NREP: variants seen among roughly 807,000 people sequenced by gnomAD.
NREP encodes the protein neuronal regeneration-related protein.
Under a neutral mutation model 8.6 loss-of-function variants are expected in NREP, and 5 were observed. That is an observed-to-expected ratio of 0.58 (90% CI 0.30 to 1.22). The LOEUF (loss-of-function observed/expected upper bound fraction) is 1.22, where lower values mean the gene tolerates loss of function less well. Among genes scored for constraint, NREP ranks in the 50% most tolerant of loss-of-function variants. The pLI, the probability that NREP is intolerant of heterozygous loss-of-function variation, is 0.07. For synonymous variants in NREP, 27 were observed against 28.0 expected (o/e 0.96, Z 0.11); for missense variants, 86 against 82.5 (o/e 1.04, Z -0.17).
intron 2 of NREP, among the ~76,000 whole-genome samples, chr5:111,742,244 T>C (rs147686490): frequency 3.0e-3 from 450 of 152,272 alleles, no homozygotes; most frequent in Admixed American, 5.7e-3. Context: ...CTTGATCTTA[T>C]GAGTTGGGGT....
At chr5:111,814,834 G>A (rs893765843) in intron 2 of NREP, among the ~76,000 whole-genome samples, 1 of 152,030 alleles carries the variant, frequency 6.6e-6, no homozygotes, top group Non-Finnish European at 1.5e-5. Context: ...GTATTGGAAT[G>A]CTATTGAATA....
At chr5:111,909,365 A>G (rs1163638725) in intron 2 of NREP, among the ~76,000 whole-genome samples, 6 of 152,096 alleles carry the variant, frequency 3.9e-5, no homozygotes, top group African/African-American at 2.4e-5. Flanking sequence ...ACAAAACACA[A>G]TGAGTTAGGT....
At chr5:111,969,502 C>A (rs1297498520) in intron 2 of NREP, 1 of 152,130 alleles carries the variant, frequency 6.6e-6, no homozygotes, top group East Asian at 1.9e-4. Flanking sequence ...TAAACGTTCC[C>A]CCATCTTCTA....
chr5:111,879,651 T>C (rs1299280014), intron 2 of NREP, among the ~76,000 whole-genome samples: 1 of 152,170 alleles, frequency 6.6e-6, no homozygotes, highest in East Asian at 1.9e-4. Context: ...CTGCTCAGGT[T>C]GCCGTAACGA....
intron 2 of NREP, among the ~76,000 whole-genome samples, chr5:111,935,816 G>T (rs1436962809): frequency 1.3e-5 from 2 of 151,994 alleles, no homozygotes; most frequent in Non-Finnish European, 2.9e-5. Flanking sequence ...CACCTTGATA[G>T]GAGGCTGTAC....
intron 2 of NREP, among the ~76,000 whole-genome samples, chr5:111,886,330 T>C (rs551398293): frequency 6.6e-6 from 1 of 152,064 alleles, no homozygotes; most frequent in African/African-American, 2.4e-5. Flanking sequence ...CAACAGGTGC[T>C]GGAGAGGATG....
In NREP at chr5:111,778,804, AT is replaced by A. The variant is rs770586899; in HGVS notation, c.136-43298del. Among the ~76,000 whole-genome samples the A allele has an allele frequency of 3.3e-3, 506 of 152,326 alleles. 1 individual carries two copies. Among genetic ancestry groups the A allele is most frequent in the South Asian group, 0.018 (85 of 4,834 alleles). ...GAAGCCCCCTCAAATAAAATTCACT[AT>A]ACAGAGGTTACTACATGTAAAATAT... On this transcript the variant is annotated intron_variant, in intron 2 of 3. Transcript: ENST00000395634.
intron 2 of NREP, among the ~76,000 whole-genome samples, chr5:111,840,227 C>CA (rs544061405): frequency 3.4e-4 from 51 of 149,764 alleles, no homozygotes; most frequent in African/African-American, 1.1e-3. Context: ...GCTCATGACT[C>CA]AAAAAAAAAG....
chr5:111,788,141 C>T (rs1408526107), intron 2 of NREP, among the ~76,000 whole-genome samples: 1 of 152,100 alleles, frequency 6.6e-6, no homozygotes, highest in Non-Finnish European at 1.5e-5. Context: ...AAAGAAACAT[C>T]AGCAAAAGTT....
chr5:111,965,683 C>A (rs141805718), intron 2 of NREP, among the ~76,000 whole-genome samples: 249 of 152,218 alleles, frequency 1.6e-3, no homozygotes, highest in African/African-American at 5.6e-3. Context: ...CTTAAAAGGA[C>A]TCTTTTTAAA....
intron 2 of NREP, among the ~76,000 whole-genome samples, chr5:111,741,161 G>C (rs774728121): frequency 2.0e-5 from 3 of 152,126 alleles, no homozygotes; most frequent in Non-Finnish European, 2.9e-5. Flanking sequence ...ATGGGTATGC[G>C]TATCTGTCTC....
intron 2 of NREP, among the ~76,000 whole-genome samples, chr5:111,748,862 T>C (rs1394517670): frequency 6.6e-6 from 1 of 151,810 alleles, no homozygotes; most frequent in East Asian, 1.9e-4. Flanking sequence ...CCTCGGAGGG[T>C]AGAAAAACAT....
intron 2 of NREP, among the ~76,000 whole-genome samples, chr5:111,863,999 G>A (rs1238981784): frequency 6.6e-6 from 1 of 152,082 alleles, no homozygotes; most frequent in Non-Finnish European, 1.5e-5. Context: ...TTGTCAGGCA[G>A]TTACAGAGCT....
chr5:111,897,070 C>A (rs559672448), intron 2 of NREP, among the ~76,000 whole-genome samples: 52 of 152,170 alleles, frequency 3.4e-4, no homozygotes, highest in Admixed American at 9.8e-4. Flanking sequence ...TTAACAGACA[C>A]CAGCATAGAC....
intron 2 of NREP, among the ~76,000 whole-genome samples, chr5:111,831,543 CCTT>C (rs1214597457): frequency 2.6e-5 from 4 of 152,096 alleles, no homozygotes; most frequent in Non-Finnish European, 1.5e-5. Context: ...GTTGGAACAT[CCTT>C]CTCAAAAAAC....
chr5:111,797,184 C>G (rs1386630436), intron 2 of NREP, among the ~76,000 whole-genome samples: 7 of 152,138 alleles, frequency 4.6e-5, no homozygotes, highest in Admixed American at 1.3e-4. Context: ...TGAGATTCAT[C>G]AATTTATCCA....
rs1243158058 is a variant in NREP at position 111,755,692 on chromosome 5, T to C, written c.3+78A>G. 10 of 1,488,470 alleles carry C rather than the reference T, an allele frequency of 6.7e-6. No individual in the cohort carries two copies. The South Asian group carries it at 1.1e-4, about 17-fold the overall frequency. The allele number at this position is 1,488,470 out of a possible 1,614,324, so 92.2% of individuals were successfully genotyped here. A position where few individuals can be genotyped will look rare whatever the true frequency, so the allele number is the denominator to read the frequency against. ...TAGAACAATGAAGGGTTGAGGCGGA[T>C]GAAGATGGGTGGTTGATATTTATAT... is the stretch of plus-strand genomic sequence containing the variant. On this transcript the variant is annotated intron_variant, in intron 2 of 3. Transcript: ENST00000257435.
chr5:111,930,618 G>A (rs950042729), intron 2 of NREP, among the ~76,000 whole-genome samples: 6 of 152,128 alleles, frequency 3.9e-5, no homozygotes, highest in Admixed American at 6.5e-5. Context: ...ACTAGAAGGA[G>A]GTCAAGGATT....
intron 2 of NREP, among the ~76,000 whole-genome samples, chr5:111,768,879 A>G (rs925187493): frequency 5.3e-5 from 8 of 152,236 alleles, no homozygotes; most frequent in African/African-American, 1.7e-4. Context: ...TGTATACCCA[A>G]TAATGGGAAT....
Sources: gnomAD v4.1 joint callset for allele counts (sites outside exome capture counted in the v4.1 genomes callset) on GRCh38, gnomAD v4.1.1 for gene constraint, MANE v1.5 for transcripts, NCBI Gene and HGNC (gene_info 2026-07-23, HGNC 2026-07-21) for gene names.